The following KLHL29 variants were observed in gnomAD, a reference collection of about 807,000 sequenced individuals.
KLHL29 encodes kelch-like protein 29.
Under a neutral mutation model 80.4 loss-of-function variants are expected in KLHL29, and 21 were observed. The ratio of observed to expected loss-of-function variants is 0.26; its 90% CI spans 0.19 to 0.38. KLHL29 has a LOEUF of 0.38. KLHL29 is among the 10% of genes least tolerant of loss of function. The probability of loss-of-function intolerance (pLI) is 1.00; values close to 1 mark genes in which losing one functional copy is unlikely to be tolerated. For missense variants in KLHL29, 867 were observed against 1,223.9 expected, an observed-to-expected ratio of 0.71 and a Z score of 4.35; for synonymous variants, 511 against 526.8, an observed-to-expected ratio of 0.97 and a Z score of 0.41.
chr2:23,496,878 G>T (rs1185142559), intron 2 of KLHL29, among the ~76,000 whole-genome samples: 1 of 152,166 alleles, frequency 6.6e-6, no homozygotes, highest in Non-Finnish European at 1.5e-5. Context: ...AAACAAATCA[G>T]GGAGTGTGGC....
intron 2 of KLHL29, among the ~76,000 whole-genome samples, chr2:23,561,028 C>T (rs1186841083): frequency 1.3e-5 from 2 of 152,200 alleles, no homozygotes; most frequent in Non-Finnish European, 2.9e-5. Flanking sequence ...GGACTCACCC[C>T]CAGACTGGAA....
chr2:23,695,428 C>T lies in KLHL29; in HGVS notation c.1543-195C>T, dbSNP rs758994963. On this transcript the variant is annotated intron_variant, in intron 8 of 13. Transcript: ENST00000486442. This position sits in a 1 kb window ranked among gnomAD's most constrained non-coding sequence, Gnocchi z 7.6. Reference sequence around the variant, plus strand: ...AGCCTCCCCTCCGCACCCCTGCGCTCCCGGCCCTCCCCTCCACACCTCCAG... The same window carrying T: ...AGCCTCCCCTCCGCACCCCTGCGCTTCCGGCCCTCCCCTCCACACCTCCAG... Among the ~76,000 whole-genome samples the T allele has an allele frequency of 1.4e-3, 213 of 152,162 alleles. No individual in the cohort carries two copies. The highest frequency in any genetic ancestry group is 2.9e-3 in the Non-Finnish European group (194 of 67,984).
rs1666768797 is a variant in KLHL29 at position 23,539,431 on chromosome 2, C to CTTTTTTTTTTTTTTTTTTT, written c.-45-22721_-45-22720insTTTTTTTTTTTTTTTTTTT. Among the ~76,000 whole-genome samples, 35 of 107,216 alleles carry CTTTTTTTTTTTTTTTTTTT rather than the reference C, an allele frequency of 3.3e-4. 15 individuals carry two copies. The highest frequency in any genetic ancestry group is 3.0e-4 in the Non-Finnish European group (16 of 53,526). 70.3% of individuals were successfully genotyped at this position (107,216 alleles called of 152,430 possible). A position where few individuals can be genotyped will look rare whatever the true frequency, so the allele number is the denominator to read the frequency against. ...ATGCTTTGCTAGCCTTATCCTGCCTCCTTTTTTTTTTTTTTTTTTTTTTTT... is the reference window on the plus strand; with the variant it reads ...ATGCTTTGCTAGCCTTATCCTGCCTCTTTTTTTTTTTTTTTTTTTCTTTTTTTTTTTTTTTTTTTTTTTT... On this transcript the variant is annotated intron_variant, in intron 2 of 13. Coordinates refer to ENST00000486442, the MANE Select transcript of KLHL29 (RefSeq NM_052920.2).
intron 1 of KLHL29, among the ~76,000 whole-genome samples, chr2:23,416,133 A>G (rs1364107223): frequency 1.3e-5 from 2 of 152,110 alleles, no homozygotes; most frequent in Non-Finnish European, 2.9e-5. Context: ...ACATCCCGAG[A>G]GCCTGGGGAG....
chr2:23,541,226 C>T (rs963779132), intron 2 of KLHL29, among the ~76,000 whole-genome samples: 19 of 152,142 alleles, frequency 1.2e-4, no homozygotes, highest in Non-Finnish European at 2.2e-4. Context: ...GGTGTGTTAA[C>T]GGAGGGAGAC....
At chr2:23,691,604 C>G (rs1007786323) in intron 6 of KLHL29, 70 bp from the exon 7 acceptor site, 2 of 1,345,448 alleles carry the variant, frequency 1.5e-6, no homozygotes, top group African/African-American at 2.9e-5. Context: ...GCAGGGAGAT[C>G]TAGCCCTGTG....
chr2:23,516,845 T>TGAGGCAG (rs370119287), intron 2 of KLHL29, among the ~76,000 whole-genome samples: 2,358 of 152,198 alleles, frequency 0.015, 23 homozygotes, highest in Non-Finnish European at 0.024. Context: ...TGATCTGGGG[T>TGAGGCAG]GAGGCAGGAG....
At chr2:23,530,714 C>T (rs1370668599) in intron 2 of KLHL29, among the ~76,000 whole-genome samples, 2 of 152,198 alleles carry the variant, frequency 1.3e-5, no homozygotes, top group Non-Finnish European at 2.9e-5. Flanking sequence ...GATGCTCTTC[C>T]CTCCATCCCA....
intron 2 of KLHL29, among the ~76,000 whole-genome samples, chr2:23,555,896 G>T (rs112838535): frequency 6.6e-6 from 1 of 152,372 alleles, no homozygotes; most frequent in African/African-American, 2.4e-5. Context: ...GGTGGATGTG[G>T]CATTGCTGCA....
chr2:23,513,543 A>G (rs992206511), intron 2 of KLHL29, among the ~76,000 whole-genome samples: 3 of 152,190 alleles, frequency 2.0e-5, no homozygotes, highest in Non-Finnish European at 4.4e-5. Flanking sequence ...GCTCAAATGC[A>G]TTGTTTAAAC....
intron 3 of KLHL29, among the ~76,000 whole-genome samples, chr2:23,577,002 T>C (rs908081825): frequency 6.6e-6 from 1 of 152,178 alleles, no homozygotes; most frequent in Non-Finnish European, 1.5e-5. Flanking sequence ...GGCTTTTCAG[T>C]CCTGCTGTCC....
intron 1 of KLHL29, among the ~76,000 whole-genome samples, chr2:23,386,235 G>C (rs1461007610): frequency 6.6e-6 from 1 of 152,148 alleles, no homozygotes; most frequent in African/African-American, 2.4e-5. Flanking sequence ...GCGGCCGCGC[G>C]CACTGTCCTT....
chr2:23,449,455 C>T (rs776490718), intron 1 of KLHL29, among the ~76,000 whole-genome samples: 38 of 152,284 alleles, frequency 2.5e-4, no homozygotes, highest in Non-Finnish European at 8.8e-5. Flanking sequence ...ACTCATGCAT[C>T]AGTGGTCAGC....
chr2:23,411,293 A>C (rs1227223643), intron 1 of KLHL29, among the ~76,000 whole-genome samples: 2 of 152,108 alleles, frequency 1.3e-5, no homozygotes, highest in African/African-American at 4.8e-5. Flanking sequence ...TTTGGGGCAG[A>C]ATAAACAGAT....
chr2:23,517,187 C>T (rs1427387373), intron 2 of KLHL29, among the ~76,000 whole-genome samples: 3 of 152,140 alleles, frequency 2.0e-5, no homozygotes, highest in Non-Finnish European at 2.9e-5. Flanking sequence ...GGGGGTCTGC[C>T]GTCCGCTGAG....
At chr2:23,673,635 T>TAC (rs375535852) in intron 5 of KLHL29, among the ~76,000 whole-genome samples, 4,063 of 139,134 alleles carry the variant, frequency 0.029, 71 homozygotes, top group South Asian at 0.071. Context: ...CACACACACA[T>TAC]ACACACACAC....
chr2:23,612,597 G>A (rs1668896238), intron 3 of KLHL29, among the ~76,000 whole-genome samples: 1 of 151,932 alleles, frequency 6.6e-6, no homozygotes, highest in African/African-American at 2.4e-5. Flanking sequence ...CAAAAATTAG[G>A]TGGTCATGGT....
chr2:23,452,912 C>A (rs73921822), intron 1 of KLHL29, among the ~76,000 whole-genome samples: 199 of 150,244 alleles, frequency 1.3e-3, no homozygotes, highest in South Asian at 0.012. Flanking sequence ...ACCCCCCCGC[C>A]CACACACACA....
intron 6 of KLHL29, among the ~76,000 whole-genome samples, chr2:23,686,720 C>T (rs1558439448): frequency 6.6e-6 from 1 of 152,112 alleles, no homozygotes. Flanking sequence ...CCCAGGTCCC[C>T]AGGTTGGGCC....
Sources: gnomAD v4.1 joint callset for allele counts (sites outside exome capture counted in the v4.1 genomes callset) on GRCh38, gnomAD v4.1.1 for gene constraint, Gnocchi (gnomAD v3.1) non-coding constraint, MANE v1.5 for transcripts, NCBI Gene and HGNC (gene_info 2026-07-23, HGNC 2026-07-21) for gene names.